GMDS: variants seen among roughly 807,000 people sequenced by gnomAD.
The protein encoded by GMDS is GDP-mannose 4,6-dehydratase.
A neutral mutation model predicts 49.9 loss-of-function variants in GMDS; 20 were observed. That is an observed-to-expected ratio of 0.40 (90% confidence interval 0.28 to 0.58). The LOEUF is 0.58. Ranked by LOEUF, GMDS falls within the 20% of genes least tolerant of loss-of-function variation. The pLI, the probability that GMDS is intolerant of heterozygous loss-of-function variation, is 0.42. For synonymous variants in GMDS, 177 were observed against 178.6 expected, an observed-to-expected ratio of 0.99 and a Z score of 0.07; for missense variants, 362 against 481.4, an observed-to-expected ratio of 0.75 and a Z score of 2.32.
At chr6:1,993,805 A>T (rs1375307471) in intron 4 of GMDS, among the ~76,000 whole-genome samples, 5 of 152,038 alleles carry the variant, frequency 3.3e-5, no homozygotes, top group Non-Finnish European at 1.5e-5. Context: ...ATCCAGACAA[A>T]GACTTATCAT....
At chr6:2,090,147 A>C (rs1213403350) in intron 4 of GMDS, among the ~76,000 whole-genome samples, 1 of 152,196 alleles carries the variant, frequency 6.6e-6, no homozygotes, top group Non-Finnish European at 1.5e-5. Context: ...ATTTTAAAGA[A>C]TTTTATATTC....
At chr6:2,152,087 T>C (rs1278259735) in intron 1 of GMDS, among the ~76,000 whole-genome samples, 2 of 152,166 alleles carry the variant, frequency 1.3e-5, no homozygotes, top group African/African-American at 2.4e-5. Context: ...CACAGATAGT[T>C]CTCTAATCTG....
chr6:1,889,066 A>C (rs1465019891), intron 7 of GMDS, among the ~76,000 whole-genome samples: 1 of 152,122 alleles, frequency 6.6e-6, no homozygotes, highest in African/African-American at 2.4e-5. Flanking sequence ...AAAAATATAT[A>C]TGTATATATT....
intron 1 of GMDS, among the ~76,000 whole-genome samples, chr6:2,221,612 T>C (rs943387103): frequency 3.3e-5 from 5 of 152,212 alleles, no homozygotes; most frequent in African/African-American, 1.2e-4. Context: ...ATGGTCTCCA[T>C]ATCCTGACCT....
chr6:1,886,601 T>G (rs1759619595), intron 7 of GMDS, among the ~76,000 whole-genome samples: 1 of 152,182 alleles, frequency 6.6e-6, no homozygotes, highest in African/African-American at 2.4e-5. Context: ...ACCACCTTAC[T>G]TATTTAATTT....
chr6:1,926,369 A>G (rs1762008643), intron 7 of GMDS, among the ~76,000 whole-genome samples: 1 of 152,194 alleles, frequency 6.6e-6, no homozygotes, highest in Non-Finnish European at 1.5e-5. Context: ...GAGCCCCACA[A>G]CCTGCCCATC....
chr6:2,003,041 C>T (rs1766928142), intron 4 of GMDS, among the ~76,000 whole-genome samples: 2 of 152,012 alleles, frequency 1.3e-5, no homozygotes, highest in Non-Finnish European at 1.5e-5. Flanking sequence ...AGAACACTGG[C>T]TACCACAAGA....
chr6:2,205,637 G>A (rs150642178), intron 1 of GMDS, among the ~76,000 whole-genome samples: 23 of 152,266 alleles, frequency 1.5e-4, no homozygotes, highest in East Asian at 1.4e-3. Context: ...CAGCCCTTGC[G>A]ATATGCAGAG....
chr6:2,092,522 G>A (rs1446801149), intron 4 of GMDS, among the ~76,000 whole-genome samples: 1 of 152,164 alleles, frequency 6.6e-6, no homozygotes, highest in Non-Finnish European at 1.5e-5. Flanking sequence ...TGGTAAATGT[G>A]TTGTGTCTGG....
intron 4 of GMDS, among the ~76,000 whole-genome samples, chr6:2,071,797 G>A (rs551829334): frequency 7.9e-5 from 12 of 152,142 alleles, no homozygotes; most frequent in South Asian, 6.2e-4. Flanking sequence ...AAATGATTGC[G>A]AAGACTGAAT....
chr6:1,747,869 A>G (rs1767572688), intron 7 of GMDS, among the ~76,000 whole-genome samples: 2 of 152,240 alleles, frequency 1.3e-5, no homozygotes, highest in Non-Finnish European at 2.9e-5. Flanking sequence ...CTTCCTGGGC[A>G]AAAACGCTGT....
chr6:1,665,417 C>T (rs998369337), intron 9 of GMDS, among the ~76,000 whole-genome samples: 1 of 151,754 alleles, frequency 6.6e-6, no homozygotes, highest in Non-Finnish European at 1.5e-5. Context: ...GTTTCAGTTC[C>T]TTGTTTGAGG....
At chr6:1,991,636 A>G (rs1232894572) in intron 4 of GMDS, among the ~76,000 whole-genome samples, 1 of 151,984 alleles carries the variant, frequency 6.6e-6, no homozygotes, top group African/African-American at 2.4e-5. Context: ...TCTGATCCCT[A>G]TGGTTGTTCT....
intron 1 of GMDS, among the ~76,000 whole-genome samples, chr6:2,162,170 T>C (rs1414240131): frequency 1.5e-4 from 23 of 152,216 alleles, no homozygotes; most frequent in Admixed American, 1.5e-3. Flanking sequence ...CCAATGCCTA[T>C]TTTAAAAATA....
chr6:1,983,609 C>T (rs1042278726), intron 4 of GMDS, among the ~76,000 whole-genome samples: 6 of 151,898 alleles, frequency 4.0e-5, no homozygotes, highest in Non-Finnish European at 5.9e-5. Flanking sequence ...GGCCAACAAG[C>T]ATTTGAAAAA....
At chr6:2,204,979 T>C (rs931416342) in intron 1 of GMDS, among the ~76,000 whole-genome samples, 1 of 152,226 alleles carries the variant, frequency 6.6e-6, no homozygotes, top group Non-Finnish European at 1.5e-5. Flanking sequence ...TATGTGTGGT[T>C]TGATGAAGAA....
chr6:2,230,930 T>TCCCCCCCCCCC (rs797010185), intron 1 of GMDS, among the ~76,000 whole-genome samples: 1 of 14,540 alleles, frequency 6.9e-5, no homozygotes, highest in Non-Finnish European at 1.3e-4. Flanking sequence ...AGTATTCTCT[T>TCCCCCCCCCCC]CCCCCCTCCC....
chr6:2,086,573 C>T (rs775739972), intron 4 of GMDS, among the ~76,000 whole-genome samples: 4 of 152,230 alleles, frequency 2.6e-5, no homozygotes, highest in Non-Finnish European at 5.9e-5. Context: ...TCGGGGACTT[C>T]GAAACAACTT....
At chr6:2,051,236 G>A (rs1280270404) in intron 4 of GMDS, among the ~76,000 whole-genome samples, 1 of 152,210 alleles carries the variant, frequency 6.6e-6, no homozygotes, top group East Asian at 1.9e-4. Flanking sequence ...CCGCCTGCCA[G>A]TGTCACCTAT....
Sources: gnomAD v4.1 joint callset for allele counts (sites outside exome capture counted in the v4.1 genomes callset) on GRCh38, gnomAD v4.1.1 for gene constraint, MANE v1.5 for transcripts, NCBI Gene and HGNC (gene_info 2026-07-23, HGNC 2026-07-21) for gene names.